Variants in PRAG1 observed in about 807,000 individuals in gnomAD.
The protein encoded by PRAG1 is PEAK1 related, kinase-activating pseudokinase 1.
Under a neutral mutation model 95.6 loss-of-function variants are expected in PRAG1, and 110 were observed. The observed-to-expected ratio is 1.15, with a 90% CI of 0.99 to 1.35. PRAG1 has a LOEUF of 1.35. PRAG1 is among the 40% of genes most tolerant of loss of function. PRAG1 has a pLI of 0.00. For synonymous variants in PRAG1, 1,052 were observed against 819.4 expected (o/e 1.28, Z -4.85); for missense variants, 2,554 against 1,864.7 (o/e 1.37, Z -6.81).
chr8:8,349,438 G>A (rs117506611), intron 3 of PRAG1, among the ~76,000 whole-genome samples: 4,495 of 151,812 alleles, frequency 0.03, 158 homozygotes, highest in Admixed American at 0.1. Flanking sequence ...CCGCCACCTC[G>A]CCAGGCTAAT....
intron 5 of PRAG1, among the ~76,000 whole-genome samples, chr8:8,322,616 G>T (rs1205964025): frequency 6.6e-6 from 1 of 152,046 alleles, no homozygotes; most frequent in Non-Finnish European, 1.5e-5. Flanking sequence ...CTCCCTGTTG[G>T]GATTACTGAT....
In PRAG1 at chr8:8,376,940, A is replaced by G; in HGVS notation, c.1469T>C (p.Leu490Pro). The G allele has an allele frequency of 1.2e-6, 2 of 1,613,380 alleles. No homozygotes were observed. Among genetic ancestry groups the G allele is most frequent in the Non-Finnish European group, 1.7e-6 (2 of 1,180,006 alleles). Residue 490 changes from leucine to proline, a missense_variant, in exon 3 of 6, where the codon CTG becomes CCG. By Grantham distance (98) the Leu-to-Pro change is moderately conservative. Transcript: ENST00000615670. Reference protein sequence around the residue: ...HPEEDHRTIYLSSPDSAVGVQ... With the variant: ...HPEEDHRTIYPSSPDSAVGVQ... ...CCCCACTGCAGAGTCAGGGCTGCTCAGGTAGATCGTCCGATGGTCCTCTTC... is the reference window on the plus strand; with the variant it reads ...CCCCACTGCAGAGTCAGGGCTGCTCGGGTAGATCGTCCGATGGTCCTCTTC...
chr8:8,345,063 G>GTGTT (rs1453533771), intron 3 of PRAG1, among the ~76,000 whole-genome samples: 13 of 150,940 alleles, frequency 8.6e-5, no homozygotes, highest in Middle Eastern at 3.5e-3. Context: ...GTGTGTGTGT[G>GTGTT]TGTGTGTGTG....
intron 3 of PRAG1, among the ~76,000 whole-genome samples, chr8:8,368,459 A>G (rs935116230): frequency 6.6e-6 from 1 of 152,270 alleles, no homozygotes; most frequent in African/African-American, 2.4e-5. Context: ...CAGAGGATGC[A>G]GACTCTGATC....
intron 3 of PRAG1, among the ~76,000 whole-genome samples, chr8:8,344,263 A>T (rs1799263401): frequency 6.6e-6 from 1 of 152,226 alleles, no homozygotes; most frequent in Non-Finnish European, 1.5e-5. Flanking sequence ...ACATTGTGGT[A>T]TAGTCTTTTG....
intron 5 of PRAG1, among the ~76,000 whole-genome samples, chr8:8,321,900 T>C (rs1406276001): frequency 6.6e-6 from 1 of 152,214 alleles, no homozygotes; most frequent in African/African-American, 2.4e-5. Context: ...CAAGGTAAGT[T>C]TCCTGGGAAC....
chr8:8,361,409 G>A lies in PRAG1; in HGVS notation c.2162+14838C>T, dbSNP rs565184127. On this transcript the variant is annotated intron_variant, in intron 3 of 5. Coordinates refer to ENST00000615670, the MANE Select transcript of PRAG1 (RefSeq NM_001080826.3). Reference sequence around the variant, plus strand: ...AGCAGTCAGGTCTGGGATCGGGTCCGGAAGGGGGTACAGGGCAGCAGCAGC... The same window carrying A: ...AGCAGTCAGGTCTGGGATCGGGTCCAGAAGGGGGTACAGGGCAGCAGCAGC... Among the ~76,000 whole-genome samples the A allele has an allele frequency of 5.3e-5, 8 of 152,308 alleles. No homozygotes were observed. The East Asian group carries it at 7.7e-4, about 15-fold the overall frequency.
chr8:8,372,694 T>C (rs1173083924), intron 3 of PRAG1, among the ~76,000 whole-genome samples: 2 of 152,060 alleles, frequency 1.3e-5, no homozygotes, highest in South Asian at 2.1e-4. Context: ...CGAATGGGAG[T>C]TTACAGAGGA....
chr8:8,329,796 G>A (rs1585224182), intron 4 of PRAG1, among the ~76,000 whole-genome samples: 2 of 152,300 alleles, frequency 1.3e-5, no homozygotes, highest in Non-Finnish European at 2.9e-5. Flanking sequence ...CTTTATTTCT[G>A]CTGCTCCACA....
At chr8:8,346,293 T>C (rs527528505) in intron 3 of PRAG1, among the ~76,000 whole-genome samples, 18 of 152,386 alleles carry the variant, frequency 1.2e-4, no homozygotes, top group Middle Eastern at 3.4e-3. Context: ...AACATTCTTA[T>C]CATCTACAGT....
At chr8:8,356,527 T>C (rs549043212) in intron 3 of PRAG1, among the ~76,000 whole-genome samples, 32 of 152,232 alleles carry the variant, frequency 2.1e-4, no homozygotes, top group Middle Eastern at 3.4e-3. Flanking sequence ...TTTGTATTTT[T>C]TGTAGAGATG....
chr8:8,347,883 C>G (rs1799397498), intron 3 of PRAG1, among the ~76,000 whole-genome samples: 2 of 140,412 alleles, frequency 1.4e-5, no homozygotes, highest in African/African-American at 3.2e-5. Flanking sequence ...GCGGCATGAT[C>G]TCAGCTCACT....
chr8:8,374,916 C>T (rs762413743), intron 3 of PRAG1, among the ~76,000 whole-genome samples: 1 of 152,100 alleles, frequency 6.6e-6, no homozygotes, highest in Non-Finnish European at 1.5e-5. Flanking sequence ...TCAGCTGAAA[C>T]AGAACCACTT....
chr8:8,341,110 C>A (rs1378991955), intron 3 of PRAG1, among the ~76,000 whole-genome samples: 1 of 152,166 alleles, frequency 6.6e-6, no homozygotes, highest in African/African-American at 2.4e-5. Flanking sequence ...GAAGCCAGAG[C>A]CAGCTCTGTG....
chr8:8,373,874 TG>T (rs1311054558), intron 3 of PRAG1, among the ~76,000 whole-genome samples: 1 of 152,210 alleles, frequency 6.6e-6, no homozygotes, highest in Non-Finnish European at 1.5e-5. Context: ...CATAACAAAC[TG>T]GGCCGAAAAA....
chr8:8,372,984 C>T (rs773177310), intron 3 of PRAG1, among the ~76,000 whole-genome samples: 4 of 152,152 alleles, frequency 2.6e-5, no homozygotes, highest in South Asian at 2.1e-4. Flanking sequence ...GCGTAGGTAA[C>T]GCACATAATG....
At position 8,328,141 on chromosome 8, in the gene PRAG1, G is replaced by T; in HGVS notation, c.2641C>A (p.Pro881Thr). ...RHHPVFSSSD[P>T]LEKAFKGSGH... ...CTGCCTTTGAAAGCTTTCTCCAGAG[G>T]ATCGGAAGAGGAGAAGACAGGATGG... Residue 881 changes from proline (P) to threonine (T), a missense_variant, in exon 5 of 6, where the codon CCT (proline) becomes ACT (threonine). Pro to Thr is a conservative substitution (Grantham distance 38, BLOSUM62 -1). Transcript: ENST00000615670. The T allele has an allele frequency of 1.9e-6, 3 of 1,614,242 alleles. No individual in the cohort carries two copies. Among genetic ancestry groups the T allele is most frequent in the Non-Finnish European group, 2.5e-6 (3 of 1,180,050 alleles).
chr8:8,374,141 G>C (rs776875681), intron 3 of PRAG1, among the ~76,000 whole-genome samples: 2 of 152,188 alleles, frequency 1.3e-5, no homozygotes, highest in Non-Finnish European at 2.9e-5. Flanking sequence ...TGTCTCATTA[G>C]AGGTTTACAA....
At position 8,377,633 on chromosome 8, in the gene PRAG1, C is replaced by T; in HGVS notation, c.776G>A (p.Cys259Tyr). The T allele has an allele frequency of 6.2e-7, 1 of 1,613,532 alleles. No homozygotes were observed. The highest frequency in any genetic ancestry group is 8.5e-7 in the Non-Finnish European group (1 of 1,179,976). Residue 259 changes from cysteine to tyrosine, a missense_variant, in exon 3 of 6, where the codon TGC (cysteine) becomes TAC (tyrosine). Cys to Tyr is a radical substitution (Grantham distance 194, BLOSUM62 -2). Coordinates refer to ENST00000615670, the MANE Select transcript of PRAG1 (RefSeq NM_001080826.3). ...CTTGGCAACAGGGCTCCCAGGGCAG[C>T]AGTCCAGGATGGAGCAGTACTCTCC... Reference protein sequence around the residue: ...EGGEYCSILDCCPGSPVAKAA... With the variant: ...EGGEYCSILDYCPGSPVAKAA...
Sources: allele counts gnomAD v4.1 joint callset (sites outside exome capture counted in the v4.1 genomes callset), GRCh38; gene constraint gnomAD v4.1.1; transcripts MANE v1.5; gene names NCBI Gene and HGNC (gene_info 2026-07-23, HGNC 2026-07-21).